MYBBP1A: variants seen among roughly 807,000 people sequenced by gnomAD.
MYBBP1A encodes myb-binding protein 1A.
Under a neutral mutation model 136.3 loss-of-function variants are expected in MYBBP1A, and 147 were observed. The ratio of observed to expected loss-of-function variants is 1.08; its 90% CI spans 0.94 to 1.24. The LOEUF (loss-of-function observed/expected upper bound fraction) is 1.24. MYBBP1A is among the 50% of genes most tolerant of loss of function. The pLI is 0.00. For missense variants in MYBBP1A, 2,060 were observed against 1,727.4 expected (o/e 1.19, Z -3.41); for synonymous variants, 947 against 735.8 (o/e 1.29, Z -4.65).
rs771396423 is a variant in MYBBP1A at position 4,539,641 on chromosome 17, T to C, written c.3761A>G (p.Lys1254Arg). 3 of 1,612,700 alleles carry C rather than the reference T, an allele frequency of 1.9e-6. No individual in the cohort carries two copies. Among genetic ancestry groups the C allele is most frequent in the Non-Finnish European group, 2.5e-6 (3 of 1,179,022 alleles). ...TPAKSPKLQK[K>R]NQKPSQVNGA... ...ATTCACCTGGGACGGCTTCTGGTTTTTCTTCTGCAGTTTTGGGGATTTGGC... is the reference window on the plus strand; with the variant it reads ...ATTCACCTGGGACGGCTTCTGGTTTCTCTTCTGCAGTTTTGGGGATTTGGC... Residue 1254 changes from lysine to arginine, a missense_variant, in exon 26 of 26, where the codon AAA becomes AGA. By Grantham distance (26) the Lys-to-Arg change is conservative (BLOSUM62 2). Transcript: ENST00000254718.
rs1352767528 is a variant in MYBBP1A at position 4,552,839 on chromosome 17, T to C, written c.562-213A>G. 2.6e-5 allele frequency among the ~76,000 whole-genome samples: 1 copy of C among 38,130 alleles called. No homozygotes were observed. Among genetic ancestry groups the C allele is most frequent in the Non-Finnish European group, 8.3e-5 (1 of 12,098 alleles). 25.0% of individuals were successfully genotyped at this position (38,130 alleles called of 152,430 possible). ...CTGGAGGTACCTGCCCCCCACCCCT[T>C]ATTTTTTTTTTTTAAGACAGAGTCT... On this transcript the variant is annotated intron_variant, in intron 5 of 25. Coordinates refer to ENST00000254718, the MANE Select transcript of MYBBP1A (RefSeq NM_014520.4). This position sits in a 1 kb window ranked among gnomAD's most constrained non-coding sequence, Gnocchi z 4.7.
chr17:4,539,353 A>T lies in MYBBP1A; in HGVS notation c.*62T>A. The T allele has an allele frequency of 6.7e-7, 1 of 1,502,796 alleles. No homozygotes were observed. Among genetic ancestry groups the T allele is most frequent in the Non-Finnish European group, 8.8e-7 (1 of 1,132,806 alleles). The allele number at this position is 1,502,796 out of a possible 1,614,324, so 93.1% of individuals were successfully genotyped here. Reference sequence around the variant, plus strand: ...TATTAAAATCATGGTTTAAAAAAAAAAAAAAAAAATAGGCGTCTCAGGCAG... The same window carrying T: ...TATTAAAATCATGGTTTAAAAAAAATAAAAAAAAATAGGCGTCTCAGGCAG... On this transcript the variant is annotated 3_prime_UTR_variant, in exon 26 of 26. Coordinates refer to ENST00000254718, the MANE Select transcript of MYBBP1A (RefSeq NM_014520.4).
chr17:4,554,811 C>T, intron 2 of MYBBP1A, 50 bp downstream of exon 2: 1 of 1,573,976 alleles, frequency 6.4e-7, no homozygotes, highest in Non-Finnish European at 8.7e-7. Context: ...TCCTCATACC[C>T]CACCATTTTG....
chr17:4,550,261 G>T lies in MYBBP1A; in HGVS notation c.1116C>A (p.Ala372=). The stretch of plus-strand genomic sequence containing the variant: ...TGACAGATGAGAAGGCCACTAGCAC[G>T]GCCAGCTGCCGCTCAGGGTCATCCT... The part of the protein sequence containing the change: ...GCQDDPERQL[A]VLVAFSSVTN... Residue 372 remains alanine, a synonymous_variant, in exon 9 of 26, where the codon GCC becomes GCA. Transcript: ENST00000254718. 6.2e-7 allele frequency: 1 copy of T among 1,613,484 alleles called. No homozygotes were observed. The highest frequency in any genetic ancestry group is 1.1e-5 in the South Asian group (1 of 91,092).
Position 4,552,414 on chromosome 17 carries a change from GC to G in MYBBP1A, c.737+36del, listed in dbSNP as rs776974095. The G allele has an allele frequency of 1.2e-6, 2 of 1,607,924 alleles. No individual in the cohort carries two copies. The highest frequency in any genetic ancestry group is 2.7e-5 in the African/African-American group (2 of 74,822). ...GGGCCTGGCCAGATGCAGTCCCTTG[GC>G]CCCAGGGAGGGCAAATCCGCCCACC... On this transcript the variant is annotated intron_variant, in intron 6 of 25. Coordinates refer to ENST00000254718, the MANE Select transcript of MYBBP1A (RefSeq NM_014520.4). This position sits in a 1 kb window ranked among gnomAD's most constrained non-coding sequence, Gnocchi z 4.7.
rs758370083 is a variant in MYBBP1A, at chr17:4,542,894, T to C, written c.2892+19A>G. On this transcript the variant is annotated intron_variant, in intron 20 of 25. Transcript: ENST00000254718. ...GCTGTGAAATGCCTGGGGCTGCTCC[T>C]GGGCCAGGCCCTGCTCACCTGCGGG... The C allele has an allele frequency of 8.7e-6, 14 of 1,612,762 alleles. No homozygotes were observed. Among genetic ancestry groups the C allele is most frequent in the African/African-American group, 1.3e-5 (1 of 74,890 alleles).
chr17:4,551,570 G>A (rs564802443), intron 8 of MYBBP1A, among the ~76,000 whole-genome samples: 46 of 152,296 alleles, frequency 3.0e-4, no homozygotes, highest in Admixed American at 1.5e-3. Flanking sequence ...TTAGCTGGGC[G>A]TGGTATTGGG....
chr17:4,548,957 C>G lies in MYBBP1A; in HGVS notation c.1431-308G>C, dbSNP rs935086708. On this transcript the variant is annotated intron_variant, in intron 10 of 25. Coordinates refer to ENST00000254718, the MANE Select transcript of MYBBP1A (RefSeq NM_014520.4). This position sits in a 1 kb window ranked among gnomAD's most constrained non-coding sequence, Gnocchi z 4.2. ...GTGTGGTCATGGCCAAGTCAGGTCA[C>G]TGCTCCTGCGAACATGGGACAGCCC... Among the ~76,000 whole-genome samples, 3 of 152,254 alleles carry G rather than the reference C, an allele frequency of 2.0e-5. No individual in the cohort carries two copies. The highest frequency in any genetic ancestry group is 7.2e-5 in the African/African-American group (3 of 41,468).
rs1293702662 is a variant in MYBBP1A, at chr17:4,544,577, G to A, written c.2551C>T (p.Pro851Ser). ...ENALVLELLEPLLSIIRRSLR... is the reference protein window; with the variant it reads ...ENALVLELLESLLSIIRRSLR... ...CTGCGCCGGATGATGCTCAGCAGCG[G>A]CTCCAGCAGCTCCAGGACCAGGGCA... Residue 851 changes from proline to serine, a missense_variant, in exon 19 of 26, where the codon CCG becomes TCG. By Grantham distance (74) the Pro-to-Ser change is moderately conservative. Transcript: ENST00000254718. 2.5e-6 allele frequency: 4 copies of A among 1,575,682 alleles called. No homozygotes were observed. The highest frequency in any genetic ancestry group is 1.4e-5 in the African/African-American group (1 of 73,914).
rs774531904 is a variant in MYBBP1A, at chr17:4,554,855, C to T, written c.294+6G>A. The T allele has an allele frequency of 6.2e-7, 1 of 1,613,258 alleles. No homozygotes were observed. Among genetic ancestry groups the T allele is most frequent in the Non-Finnish European group, 8.5e-7 (1 of 1,179,868 alleles). ...GGCTGGGACCCTGCCAGGAGCACCACCTCACCTGTGCCAGGGCCAAACTGT... is the reference window on the plus strand; with the variant it reads ...GGCTGGGACCCTGCCAGGAGCACCATCTCACCTGTGCCAGGGCCAAACTGT... On this transcript the variant is annotated splice_donor_region_variant and intron_variant, in intron 2 of 25. Coordinates refer to ENST00000254718, the MANE Select transcript of MYBBP1A (RefSeq NM_014520.4).
At chr17:4,553,688 C>T (rs751281802) in intron 5 of MYBBP1A, 122 bp downstream of exon 5, 19 of 712,578 alleles carry the variant, frequency 2.7e-5, no homozygotes, top group African/African-American at 3.6e-5. Flanking sequence ...GTCACTGAAA[C>T]GCTTCAAATT....
intron 8 of MYBBP1A, among the ~76,000 whole-genome samples, chr17:4,551,168 ACTT>A (rs144368195): frequency 0.033 from 4,962 of 152,312 alleles, 275 homozygotes; most frequent in African/African-American, 0.11. Flanking sequence ...ACTGCCTGAT[ACTT>A]CAAGTCTCCC....
rs747186700 is a variant in MYBBP1A, at chr17:4,554,004, C to T, written c.453+15G>A. 2 of 1,613,956 alleles carry T rather than the reference C, an allele frequency of 1.2e-6. No homozygotes were observed. The highest frequency in any genetic ancestry group is 1.7e-6 in the Non-Finnish European group (2 of 1,180,016). On this transcript the variant is annotated intron_variant, in intron 4 of 25. Transcript: ENST00000254718. ...AAGCCAGCCTACATTCCCCCAGTCCCTCCAAAGCTCTTACCTTCACCAGCC... is the reference window on the plus strand; with the variant it reads ...AAGCCAGCCTACATTCCCCCAGTCCTTCCAAAGCTCTTACCTTCACCAGCC...
In MYBBP1A at chr17:4,545,935, G is replaced by A. The variant is rs373586473; in HGVS notation, c.1832C>T (p.Ala611Val). 2 of 1,613,052 alleles carry A rather than the reference G, an allele frequency of 1.2e-6. No individual in the cohort carries two copies. Among genetic ancestry groups the A allele is most frequent in the East Asian group, 4.5e-5 (2 of 44,872 alleles). Residue 611 changes from alanine to valine, a missense_variant, in exon 14 of 26, where the codon GCA (alanine) becomes GTA (valine). By Grantham distance (64) the Ala-to-Val change is moderately conservative. Coordinates refer to ENST00000254718, the MANE Select transcript of MYBBP1A (RefSeq NM_014520.4). ...GTCACCCAGCAGGTCACAGCTCTCTGCAGGGGACTGCGGGCAGGGTAGGAC... is the reference window on the plus strand; with the variant it reads ...GTCACCCAGCAGGTCACAGCTCTCTACAGGGGACTGCGGGCAGGGTAGGAC... ...LVGIHLLKSP[A>V]ESCDLLGDIQ...
chr17:4,541,324 C>A, intron 24 of MYBBP1A, 139 bp downstream of exon 24: 1 of 772,506 alleles, frequency 1.3e-6, no homozygotes, highest in South Asian at 1.6e-5. Context: ...CAGCCCAGAG[C>A]CCTGGCCCAG....
chr17:4,545,448 A>T, intron 15 of MYBBP1A, 103 bp from the exon 16 acceptor site: 1 of 1,534,776 alleles, frequency 6.5e-7, no homozygotes, highest in South Asian at 1.2e-5. Flanking sequence ...AAGAAAACGG[A>T]GCCTAGGAGA....
rs747247332 is a variant in MYBBP1A, at chr17:4,542,912, C to A, written c.2892+1G>T. The A allele has an allele frequency of 6.2e-7, 1 of 1,613,796 alleles. No individual in the cohort carries two copies. Among genetic ancestry groups the A allele is most frequent in the Non-Finnish European group, 8.5e-7 (1 of 1,179,936 alleles). On this transcript the variant is annotated splice_donor_variant, in intron 20 of 25. Coordinates refer to ENST00000254718, the MANE Select transcript of MYBBP1A (RefSeq NM_014520.4). LOFTEE classifies it high-confidence loss of function. ...CTGCTCCTGGGCCAGGCCCTGCTCA[C>A]CTGCGGGCCCGTGGGCATGTGGCTG...
At position 4,548,665 on chromosome 17, in the gene MYBBP1A, G is replaced by A; in HGVS notation, c.1431-16C>T. On this transcript the variant is annotated splice_polypyrimidine_tract_variant and intron_variant, in intron 10 of 25. Coordinates refer to ENST00000254718, the MANE Select transcript of MYBBP1A (RefSeq NM_014520.4). The surrounding 1 kb of genome is among the most constrained non-coding windows in gnomAD (Gnocchi z 4.2). Reference sequence around the variant, plus strand: ...CAAACAAAACCTGGGGAGGGTGGGAGAGTGGCCATAGCCATTCACTGCCAT... The same window carrying A: ...CAAACAAAACCTGGGGAGGGTGGGAAAGTGGCCATAGCCATTCACTGCCAT... The A allele has an allele frequency of 6.2e-7, 1 of 1,614,040 alleles. No individual in the cohort carries two copies. The highest frequency in any genetic ancestry group is 8.5e-7 in the Non-Finnish European group (1 of 1,180,000).
At chr17:4,553,742 C>T (rs1371579843) in intron 5 of MYBBP1A, 68 bp downstream of exon 5, 2 of 1,207,210 alleles carry the variant, frequency 1.7e-6, no homozygotes, top group Admixed American at 3.5e-5. Context: ...TCCAGATTCT[C>T]ATCCGAGCCC....
Sources: gnomAD v4.1 joint callset for allele counts (sites outside exome capture counted in the v4.1 genomes callset) on GRCh38, gnomAD v4.1.1 for gene constraint, Gnocchi (gnomAD v3.1) non-coding constraint, MANE v1.5 for transcripts, NCBI Gene and HGNC (gene_info 2026-07-23, HGNC 2026-07-21) for gene names.